The following GALNT18 variants were observed in gnomAD, a reference collection of about 807,000 sequenced individuals.
GALNT18 encodes the protein GalNAc-transferase 18.
GALNT18 carries 44 observed loss-of-function variants against 69.5 expected under a neutral mutation model. The ratio of observed to expected loss-of-function variants is 0.63; its 90% CI spans 0.50 to 0.81. The LOEUF (loss-of-function observed/expected upper bound fraction) is 0.81, where lower values mean the gene tolerates loss of function less well. Among genes scored for constraint, GALNT18 ranks in the 40% least tolerant of loss-of-function variants. The pLI, the probability that GALNT18 is intolerant of heterozygous loss-of-function variation, is 0.00. For synonymous variants in GALNT18, 364 were observed against 318.2 expected (o/e 1.14, Z -1.53); for missense variants, 715 against 810.0 (o/e 0.88, Z 1.42).
intron 6 of GALNT18, among the ~76,000 whole-genome samples, chr11:11,349,731 T>G (rs1850365487): frequency 6.6e-6 from 1 of 152,244 alleles, no homozygotes; most frequent in Admixed American, 6.5e-5. Context: ...TCAGTGCACT[T>G]TACTTGGTGT....
In GALNT18 at chr11:11,337,842, ATTAAAATACAGGCAGTGGGG is replaced by A. The variant is rs976149022; in HGVS notation, c.1278+2957_1278+2976del. On this transcript the variant is annotated intron_variant, in intron 7 of 10. Transcript: ENST00000227756. This position sits in a 1 kb window ranked among gnomAD's most constrained non-coding sequence, Gnocchi z 4.9. ...AAAACAGGGAGTGGTAGGCAGTGGG[ATTAAAATACAGGCAGTGGGG>A]TTAAAATACAGGCAGAGGAGAAAGC... Among the ~76,000 whole-genome samples, 2 of 152,130 alleles carry A rather than the reference ATTAAAATACAGGCAGTGGGG, an allele frequency of 1.3e-5. No homozygotes were observed. The highest frequency in any genetic ancestry group is 1.5e-5 in the Non-Finnish European group (1 of 68,032).
At chr11:11,418,150 T>G (rs1292136255) in intron 3 of GALNT18, among the ~76,000 whole-genome samples, 1 of 152,228 alleles carries the variant, frequency 6.6e-6, no homozygotes, top group African/African-American at 2.4e-5. Flanking sequence ...CATGTTTCTG[T>G]CTCTGTTTCC....
At chr11:11,485,447 C>G (rs1856623300) in intron 1 of GALNT18, among the ~76,000 whole-genome samples, 1 of 152,208 alleles carries the variant, frequency 6.6e-6, no homozygotes, top group African/African-American at 2.4e-5. Context: ...TATAGATAAA[C>G]AGCCAGATGG....
At chr11:11,350,459 T>C (rs939880431) in intron 6 of GALNT18, among the ~76,000 whole-genome samples, 1 of 152,192 alleles carries the variant, frequency 6.6e-6, no homozygotes, top group Non-Finnish European at 1.5e-5. Flanking sequence ...CTGATTACTA[T>C]TGTTCAAACT....
intron 1 of GALNT18, among the ~76,000 whole-genome samples, chr11:11,536,996 T>C (rs1171799674): frequency 6.6e-6 from 1 of 152,234 alleles, no homozygotes; most frequent in African/African-American, 2.4e-5. Context: ...TCTCACGCAG[T>C]TACATTTTTA....
At chr11:11,524,238 C>A (rs4910369) in intron 1 of GALNT18, among the ~76,000 whole-genome samples, 138,003 of 152,196 alleles carry the variant, frequency 0.91, 62,661 homozygotes, top group Non-Finnish European at 0.93. Context: ...CAAAATGACA[C>A]ATGTCTAACA....
chr11:11,468,587 G>A (rs1856203656), intron 1 of GALNT18, among the ~76,000 whole-genome samples: 1 of 152,200 alleles, frequency 6.6e-6, no homozygotes, highest in African/African-American at 2.4e-5. Flanking sequence ...GGCAGGTGAG[G>A]CTGGGGCTGC....
In GALNT18 at chr11:11,459,444, T is replaced by C. The variant is rs545098630; in HGVS notation, c.236-10508A>G. ...GCTTCCTCTGACACCTGAACAGTGT[T>C]GCAGGGAAGAAGAGAGGCTTCTTCA... On this transcript the variant is annotated intron_variant, in intron 1 of 10. Coordinates refer to ENST00000227756, the MANE Select transcript of GALNT18 (RefSeq NM_198516.3). The surrounding 1 kb of genome is among the most constrained non-coding windows in gnomAD (Gnocchi z 5.0). 1.3e-5 allele frequency among the ~76,000 whole-genome samples: 2 copies of C among 152,284 alleles called. No individual in the cohort carries two copies. Among genetic ancestry groups the C allele is most frequent in the Non-Finnish European group, 2.9e-5 (2 of 68,024 alleles).
At chr11:11,427,787 C>G (rs890181000) in intron 3 of GALNT18, among the ~76,000 whole-genome samples, 2 of 152,152 alleles carry the variant, frequency 1.3e-5, no homozygotes, top group Non-Finnish European at 2.9e-5. Context: ...TTATTTTTAT[C>G]ACTGTCATTT....
intron 3 of GALNT18, among the ~76,000 whole-genome samples, chr11:11,429,906 G>A (rs57800162): frequency 0.026 from 3,970 of 152,238 alleles, 182 homozygotes; most frequent in African/African-American, 0.091. Flanking sequence ...TTGGGAGGGC[G>A]AGGCAGGAGG....
intron 1 of GALNT18, among the ~76,000 whole-genome samples, chr11:11,468,267 T>C (rs1042731469): frequency 6.6e-6 from 1 of 152,206 alleles, no homozygotes; most frequent in African/African-American, 2.4e-5. Context: ...ATGTTTCATC[T>C]TCCCTGCCTG....
intron 9 of GALNT18, among the ~76,000 whole-genome samples, chr11:11,313,363 C>T (rs1412771023): frequency 1.3e-5 from 2 of 152,202 alleles, no homozygotes; most frequent in African/African-American, 4.8e-5. Flanking sequence ...TCTCCTCCAA[C>T]CATATCTTAG....
chr11:11,574,201 C>T (rs1162482805), intron 1 of GALNT18, among the ~76,000 whole-genome samples: 2 of 152,120 alleles, frequency 1.3e-5, no homozygotes, highest in Non-Finnish European at 2.9e-5. Flanking sequence ...CTGAGGTTGC[C>T]TATAGGACAA....
At chr11:11,391,886 G>A (rs1050003829) in intron 3 of GALNT18, among the ~76,000 whole-genome samples, 1 of 152,240 alleles carries the variant, frequency 6.6e-6, no homozygotes, top group Non-Finnish European at 1.5e-5. Flanking sequence ...TAAGGCCGGA[G>A]CCATACCCCA....
At chr11:11,492,858 A>G (rs1263190789) in intron 1 of GALNT18, among the ~76,000 whole-genome samples, 6 of 152,124 alleles carry the variant, frequency 3.9e-5, no homozygotes, top group Admixed American at 6.5e-5. Context: ...GCACATGTAT[A>G]CCTATGTAAC....
rs11021850 is a variant in GALNT18, at chr11:11,430,020, G to A, written c.595+2601C>T. ...GCCCGGCATGGTGGATGCACCTGTC[G>A]TCCCAGCTACTCGGGAGGCTAAGAT... On this transcript the variant is annotated intron_variant, in intron 3 of 10. Coordinates refer to ENST00000227756, the MANE Select transcript of GALNT18 (RefSeq NM_198516.3). This position sits in a 1 kb window ranked among gnomAD's most constrained non-coding sequence, Gnocchi z 4.9. Among the ~76,000 whole-genome samples the A allele has an allele frequency of 0.2, 29,789 of 151,784 alleles. 3,218 individuals carry two copies. The highest frequency in any genetic ancestry group is 0.38 in the East Asian group (1,956 of 5,140).
intron 1 of GALNT18, among the ~76,000 whole-genome samples, chr11:11,607,012 T>C (rs941679801): frequency 6.6e-6 from 1 of 152,204 alleles, no homozygotes; most frequent in Non-Finnish European, 1.5e-5. Flanking sequence ...ACTGCAAAAG[T>C]AGGAAGGTTT....
At chr11:11,293,866 G>A (rs1174723561) in intron 9 of GALNT18, among the ~76,000 whole-genome samples, 5 of 152,146 alleles carry the variant, frequency 3.3e-5, no homozygotes, top group African/African-American at 9.7e-5. Context: ...CTTTGTCAGA[G>A]TAAAAAGCCT....
intron 2 of GALNT18, among the ~76,000 whole-genome samples, chr11:11,443,182 G>A (rs1298501916): frequency 6.6e-6 from 1 of 152,144 alleles, no homozygotes; most frequent in Non-Finnish European, 1.5e-5. Flanking sequence ...GGCCCGGCTG[G>A]GGTGAGAAGC....
Sources: allele counts gnomAD v4.1 joint callset (sites outside exome capture counted in the v4.1 genomes callset), GRCh38; gene constraint gnomAD v4.1.1; non-coding constraint Gnocchi (gnomAD v3.1); transcripts MANE v1.5; gene names NCBI Gene and HGNC (gene_info 2026-07-23, HGNC 2026-07-21).